Variants in ARRB1 observed in about 807,000 individuals in gnomAD.
ARRB1 encodes arrestin beta 1.
A neutral mutation model predicts 56.8 loss-of-function variants in ARRB1; 21 were observed. The observed-to-expected ratio is 0.37, with a 90% confidence interval of 0.26 to 0.53. The LOEUF is 0.53. Ranked by LOEUF, ARRB1 falls within the 20% of genes least tolerant of loss-of-function variation. ARRB1 has a pLI of 0.88. For synonymous variants in ARRB1, 210 were observed against 218.6 expected, an observed-to-expected ratio of 0.96 and a Z score of 0.35; for missense variants, 424 against 553.7, an observed-to-expected ratio of 0.77 and a Z score of 2.35.
At chr11:75,282,549 A>C (rs501372) in intron 5 of ARRB1, among the ~76,000 whole-genome samples, 81,725 of 152,040 alleles carry the variant, frequency 0.54, 22,608 homozygotes, top group Non-Finnish European at 0.61. Flanking sequence ...CAAGGAAAGC[A>C]ATGCTGGAAA....
chr11:75,313,212 G>C lies in ARRB1; in HGVS notation c.21-23173C>G, dbSNP rs1322654538. On this transcript the variant is annotated intron_variant, in intron 1 of 15. Coordinates refer to ENST00000420843, the MANE Select transcript of ARRB1 (RefSeq NM_004041.5). ...TGCTAAAAATACAAAAATTACGGGCGTGGTGGCTCTTGCCTGTAATCCCAG... is the reference window on the plus strand; with the variant it reads ...TGCTAAAAATACAAAAATTACGGGCCTGGTGGCTCTTGCCTGTAATCCCAG... Among the ~76,000 whole-genome samples the C allele has an allele frequency of 3.3e-5, 5 of 152,278 alleles. No homozygotes were observed. The South Asian group carries it at 1.0e-3, about 32-fold the overall frequency.
chr11:75,263,964 G>A lies in ARRB1; in HGVS notation c.*2199C>T, dbSNP rs570557679. Among the ~76,000 whole-genome samples the A allele has an allele frequency of 6.6e-6, 1 of 152,302 alleles. No individual in the cohort carries two copies. Among genetic ancestry groups the A allele is most frequent in the East Asian group, 1.9e-4 (1 of 5,180 alleles). On this transcript the variant is annotated 3_prime_UTR_variant, in exon 16 of 16. Transcript: ENST00000420843. ...AAAGGATCTTGTGTCAGCCCCAAAG[G>A]TTTCAGAAGACACTGGAGGGCATAT...
intron 11 of ARRB1, among the ~76,000 whole-genome samples, chr11:75,273,383 G>T (rs1488509172): frequency 2.0e-5 from 3 of 152,146 alleles, no homozygotes; most frequent in African/African-American, 7.2e-5. Flanking sequence ...ATCAGAGAAG[G>T]ACTTCTCCGC....
At chr11:75,309,112 C>T (rs1313505531) in intron 1 of ARRB1, among the ~76,000 whole-genome samples, 1 of 152,266 alleles carries the variant, frequency 6.6e-6, no homozygotes, top group Non-Finnish European at 1.5e-5. Flanking sequence ...CTTTTCTGGC[C>T]CACACAGCTC....
At chr11:75,295,693 T>G (rs1337184022) in intron 1 of ARRB1, among the ~76,000 whole-genome samples, 1 of 152,234 alleles carries the variant, frequency 6.6e-6, no homozygotes, top group African/African-American at 2.4e-5. Context: ...GGGAAGAGCA[T>G]TCTTTGGCCT....
chr11:75,325,444 C>G lies in ARRB1; in HGVS notation c.20+26144G>C, dbSNP rs375351532. ...TCAAGCGATTCTCGTGCCTCAGCCT[C>G]CTGAGTAGCTGGGATTACAGGCATG... On this transcript the variant is annotated intron_variant, in intron 1 of 15. Coordinates refer to ENST00000420843, the MANE Select transcript of ARRB1 (RefSeq NM_004041.5). 3.3e-5 allele frequency among the ~76,000 whole-genome samples: 5 copies of G among 152,302 alleles called. No homozygotes were observed. The East Asian group carries it at 7.7e-4, about 24-fold the overall frequency.
intron 1 of ARRB1, among the ~76,000 whole-genome samples, chr11:75,338,770 T>C (rs1947650981): frequency 6.6e-6 from 1 of 152,222 alleles, no homozygotes; most frequent in African/African-American, 2.4e-5. Flanking sequence ...TAATCATTTT[T>C]GTCATTTTTA....
intron 1 of ARRB1, among the ~76,000 whole-genome samples, chr11:75,311,545 C>T (rs116562787): frequency 1.7e-3 from 259 of 152,308 alleles, no homozygotes; most frequent in African/African-American, 5.9e-3. Flanking sequence ...ATGGAATGCA[C>T]ATCCTTACAT....
At chr11:75,302,370 G>C (rs1046706864) in intron 1 of ARRB1, among the ~76,000 whole-genome samples, 3 of 152,238 alleles carry the variant, frequency 2.0e-5, no homozygotes, top group Non-Finnish European at 2.9e-5. Context: ...GGGGGCCATG[G>C]ACAGAGGGGA....
At chr11:75,286,232 A>G (rs1436208735) in intron 3 of ARRB1, among the ~76,000 whole-genome samples, 1 of 133,294 alleles carries the variant, frequency 7.5e-6, no homozygotes, top group Non-Finnish European at 1.6e-5. Context: ...AGGCCATACT[A>G]GGCCTCACTT....
rs746756703 is a variant in ARRB1, at chr11:75,318,338, T to C, written c.21-28299A>G. 3.2e-4 allele frequency among the ~76,000 whole-genome samples: 48 copies of C among 151,978 alleles called. 1 individual carries two copies. Among genetic ancestry groups the C allele is most frequent in the Admixed American group, 2.4e-3 (36 of 15,262 alleles). On this transcript the variant is annotated intron_variant, in intron 1 of 15. Transcript: ENST00000420843. ...GCCTGGCTAATTTTTTTATTATTAT[T>C]TGTGGAGACAAGGTCTCACTATGTT...
intron 1 of ARRB1, among the ~76,000 whole-genome samples, chr11:75,334,025 C>T (rs1391471721): frequency 6.6e-6 from 1 of 152,124 alleles, no homozygotes; most frequent in African/African-American, 2.4e-5. Flanking sequence ...TACTCTGCCC[C>T]ACTCCCACAG....
intron 2 of ARRB1, 25 bp from the exon 3 acceptor site, chr11:75,287,400 G>A (rs753007252): frequency 8.4e-6 from 13 of 1,554,016 alleles, no homozygotes; most frequent in East Asian, 2.4e-5. Context: ...CATAGGGGGC[G>A]TTAGCAGCTG....
At chr11:75,272,059 G>T (rs185595523) in intron 12 of ARRB1, among the ~76,000 whole-genome samples, 28 of 152,324 alleles carry the variant, frequency 1.8e-4, no homozygotes, top group Admixed American at 1.8e-3. Flanking sequence ...GGACTCCGGG[G>T]TTGCCAAGAA....
chr11:75,341,986 G>T (rs1287879249), intron 1 of ARRB1, among the ~76,000 whole-genome samples: 1 of 152,144 alleles, frequency 6.6e-6, no homozygotes, highest in Admixed American at 6.5e-5. Context: ...CCCTCCTAAC[G>T]AGAGAAGGAA....
intron 1 of ARRB1, among the ~76,000 whole-genome samples, chr11:75,293,266 A>G (rs1031598735): frequency 1.3e-5 from 2 of 152,098 alleles, no homozygotes; most frequent in African/African-American, 4.8e-5. Context: ...TTCCTAGAAC[A>G]CTGCTGATCC....
chr11:75,300,886 T>C (rs1946885456), intron 1 of ARRB1, among the ~76,000 whole-genome samples: 1 of 142,938 alleles, frequency 7.0e-6, no homozygotes, highest in Admixed American at 7.1e-5. Context: ...GAGAATGGCG[T>C]GAACCCGGGA....
rs895128591 is a variant in ARRB1, at chr11:75,262,923, C to T, written c.*3240G>A. On this transcript the variant is annotated 3_prime_UTR_variant, in exon 16 of 16. Coordinates refer to ENST00000420843, the MANE Select transcript of ARRB1 (RefSeq NM_004041.5). The stretch of plus-strand genomic sequence containing the variant: ...GAGAGGTGCAGCCAAATAACTCAGT[C>T]CTTATCTTCATGGGGACTGAACTCT... Among the ~76,000 whole-genome samples the T allele has an allele frequency of 6.6e-6, 1 of 152,160 alleles. No individual in the cohort carries two copies. The highest frequency in any genetic ancestry group is 1.5e-5 in the Non-Finnish European group (1 of 68,034).
intron 1 of ARRB1, among the ~76,000 whole-genome samples, chr11:75,302,999 C>T (rs993062786): frequency 1.1e-4 from 17 of 150,038 alleles, no homozygotes; most frequent in African/African-American, 4.2e-4. Context: ...TTATTATTAT[C>T]ATTATTATTA....
Sources: gnomAD v4.1 joint callset for allele counts (sites outside exome capture counted in the v4.1 genomes callset) on GRCh38, gnomAD v4.1.1 for gene constraint, MANE v1.5 for transcripts, NCBI Gene and HGNC (gene_info 2026-07-23, HGNC 2026-07-21) for gene names.